The following DCC variants were observed in gnomAD, a reference collection of about 807,000 sequenced individuals.
DCC encodes netrin receptor DCC.
In DCC, 58 loss-of-function variants were observed where a neutral mutation model predicts 172.5. The observed-to-expected ratio is 0.34, with a 90% CI of 0.27 to 0.42. The LOEUF (loss-of-function observed/expected upper bound fraction) is 0.42, where lower values mean the gene tolerates loss of function less well. Ranked by LOEUF, DCC falls within the 10% of genes least tolerant of loss-of-function variation. The probability of loss-of-function intolerance (pLI) is 1.00; values close to 1 mark genes in which losing one functional copy is unlikely to be tolerated. For synonymous variants in DCC, 709 were observed against 644.5 expected, an observed-to-expected ratio of 1.10 and a Z score of -1.52; for missense variants, 1,740 against 1,791.0, an observed-to-expected ratio of 0.97 and a Z score of 0.51.
At chr18:53,229,189 A>G (rs2056085750) in intron 12 of DCC, among the ~76,000 whole-genome samples, 1 of 152,126 alleles carries the variant, frequency 6.6e-6, no homozygotes, top group Admixed American at 6.6e-5. Context: ...ATGGAATAAA[A>G]TCTTTTAAAA....
intron 1 of DCC, among the ~76,000 whole-genome samples, chr18:52,616,622 T>G (rs2034386959): frequency 6.6e-6 from 1 of 152,150 alleles, no homozygotes; most frequent in African/African-American, 2.4e-5. Flanking sequence ...TAGTGTCTAT[T>G]AAAACTATAT....
chr18:52,348,755 C>G (rs1983989178), intron 1 of DCC, among the ~76,000 whole-genome samples: 1 of 152,098 alleles, frequency 6.6e-6, no homozygotes, highest in African/African-American at 2.4e-5. Flanking sequence ...AATACTTTAC[C>G]ATGTTGACTC....
chr18:53,250,298 A>C (rs574194293), intron 12 of DCC, among the ~76,000 whole-genome samples: 1 of 152,090 alleles, frequency 6.6e-6, no homozygotes, highest in South Asian at 2.1e-4. Context: ...CTTCCATTTC[A>C]GATTAAAAAC....
intron 2 of DCC, among the ~76,000 whole-genome samples, chr18:52,852,909 G>C (rs1038841684): frequency 9.2e-5 from 14 of 152,084 alleles, no homozygotes; most frequent in Non-Finnish European, 2.1e-4. Flanking sequence ...TACTGTTAGT[G>C]GTTCCAGCTA....
intron 1 of DCC, among the ~76,000 whole-genome samples, chr18:52,506,726 T>C (rs2031242332): frequency 6.6e-6 from 1 of 152,142 alleles, no homozygotes; most frequent in Non-Finnish European, 1.5e-5. Context: ...ATATTCAGCA[T>C]TGCTGTTAAT....
intron 1 of DCC, among the ~76,000 whole-genome samples, chr18:52,736,291 A>AC (rs914112271): frequency 1.6e-4 from 24 of 151,752 alleles, no homozygotes; most frequent in African/African-American, 5.8e-4. Context: ...AAAAAAAAAA[A>AC]AAAACAGAAA....
At chr18:52,370,444 T>C (rs1244590607) in intron 1 of DCC, among the ~76,000 whole-genome samples, 1 of 152,192 alleles carries the variant, frequency 6.6e-6, no homozygotes, top group African/African-American at 2.4e-5. Flanking sequence ...GCCATTATCC[T>C]CAGCAAACTA....
At position 52,805,852 on chromosome 18, in the gene DCC, G is replaced by GT. The variant is rs1194800033; in HGVS notation, c.412+53479dup. ...TTCAAGGGATCTCAAGAGATAGGCA[G>GT]TACCAGCTGACATGTGGATTTTGTG... On this transcript the variant is annotated intron_variant, in intron 2 of 28. Transcript: ENST00000442544. 1.3e-5 allele frequency among the ~76,000 whole-genome samples: 2 copies of GT among 152,192 alleles called. 1 individual carries two copies.
intron 12 of DCC, among the ~76,000 whole-genome samples, chr18:53,292,546 G>C (rs779981835): frequency 1.3e-5 from 2 of 152,054 alleles, no homozygotes; most frequent in Non-Finnish European, 2.9e-5. Context: ...AAATTATCCA[G>C]GCATGGGTGG....
At position 52,700,272 on chromosome 18, in the gene DCC, G is replaced by A. The variant is rs542351785; in HGVS notation, c.92-51782G>A. Among the ~76,000 whole-genome samples the A allele has an allele frequency of 1.9e-3, 248 of 132,558 alleles. 1 individual carries two copies. The highest frequency in any genetic ancestry group is 6.3e-3 in the African/African-American group (237 of 37,800). 87.0% of individuals were successfully genotyped at this position (132,558 alleles called of 152,430 possible). ...CACACACGCACATCCACACTCTTGT[G>A]CACACATGCACACACATGCACATCC... On this transcript the variant is annotated intron_variant, in intron 1 of 28. Transcript: ENST00000442544.
intron 5 of DCC, among the ~76,000 whole-genome samples, chr18:53,026,553 A>G (rs2041957412): frequency 1.3e-5 from 2 of 151,968 alleles, no homozygotes; most frequent in Admixed American, 6.6e-5. Flanking sequence ...ACCTGTCTTT[A>G]AATTTTATTA....
At chr18:52,803,952 C>A (rs1057310609) in intron 2 of DCC, among the ~76,000 whole-genome samples, 5 of 152,082 alleles carry the variant, frequency 3.3e-5, no homozygotes, top group Admixed American at 3.3e-4. Flanking sequence ...GATGCAGCAC[C>A]AGATGGGCCA....
chr18:53,192,955 C>T (rs1196713174), intron 9 of DCC, among the ~76,000 whole-genome samples: 1 of 152,186 alleles, frequency 6.6e-6, no homozygotes, highest in Admixed American at 6.5e-5. Context: ...ATCAACTTCA[C>T]TCTCTTACCA....
intron 1 of DCC, among the ~76,000 whole-genome samples, chr18:52,490,129 G>A (rs1231486779): frequency 6.6e-6 from 1 of 152,006 alleles, no homozygotes; most frequent in Non-Finnish European, 1.5e-5. Flanking sequence ...ATAAATCATG[G>A]CAATTTTGCC....
At chr18:52,560,965 T>C (rs971530165) in intron 1 of DCC, among the ~76,000 whole-genome samples, 16 of 152,326 alleles carry the variant, frequency 1.1e-4, no homozygotes, top group Non-Finnish European at 2.2e-4. Context: ...ATTATAATTT[T>C]ATGTGTTCAT....
chr18:53,462,267 G>A lies in DCC; in HGVS notation c.3619+2809G>A, dbSNP rs540763766. 5.3e-5 allele frequency among the ~76,000 whole-genome samples: 8 copies of A among 152,136 alleles called. No homozygotes were observed. In the South Asian group the frequency reaches 1.2e-3, roughly 24 times the overall value. The stretch of plus-strand genomic sequence containing the variant: ...GGCCACACAGCAGGAGGTGAGCAAC[G>A]GGCAAAAGAGCAAAGCTTCATATGT... On this transcript the variant is annotated intron_variant, in intron 24 of 28. Transcript: ENST00000442544.
At chr18:52,728,857 C>T (rs1047048772) in intron 1 of DCC, among the ~76,000 whole-genome samples, 6 of 152,050 alleles carry the variant, frequency 3.9e-5, no homozygotes, top group African/African-American at 4.8e-5. Flanking sequence ...AACAAGGATT[C>T]GACAGCTGTC....
chr18:52,833,595 A>G (rs1185575888), intron 2 of DCC, among the ~76,000 whole-genome samples: 1 of 152,176 alleles, frequency 6.6e-6, no homozygotes, highest in Non-Finnish European at 1.5e-5. Context: ...TTCCCAAACA[A>G]TGCTAAGGTT....
intron 7 of DCC, among the ~76,000 whole-genome samples, chr18:53,135,705 G>T (rs538637053): frequency 6.6e-6 from 1 of 152,118 alleles, no homozygotes; most frequent in African/African-American, 2.4e-5. Context: ...TTGCATGAAT[G>T]GGGGAAGAAA....
Sources: allele counts gnomAD v4.1 joint callset (sites outside exome capture counted in the v4.1 genomes callset), GRCh38; gene constraint gnomAD v4.1.1; transcripts MANE v1.5; gene names NCBI Gene and HGNC (gene_info 2026-07-23, HGNC 2026-07-21).